ELF5: variants seen among roughly 807,000 people sequenced by gnomAD.
ELF5 encodes the protein ETS-related transcription factor Elf-5.
A neutral mutation model predicts 38.2 loss-of-function variants in ELF5; 31 were observed. The ratio of observed to expected loss-of-function variants is 0.81; its 90% CI spans 0.61 to 1.10. The LOEUF (loss-of-function observed/expected upper bound fraction) is 1.10, where lower values mean the gene tolerates loss of function less well. ELF5 is among the 50% of genes least tolerant of loss of function. The pLI, the probability that ELF5 is intolerant of heterozygous loss-of-function variation, is 0.00. For synonymous variants in ELF5, 121 were observed against 112.5 expected (o/e 1.08, Z -0.48); for missense variants, 300 against 306.6 (o/e 0.98, Z 0.16).
intron 2 of ELF5, among the ~76,000 whole-genome samples, chr11:34,498,069 G>T (rs1191219413): frequency 6.6e-6 from 1 of 152,156 alleles, no homozygotes; most frequent in Admixed American, 6.5e-5. Flanking sequence ...TTGAAACCAG[G>T]ATTCCTATAT....
intron 4 of ELF5, among the ~76,000 whole-genome samples, chr11:34,484,619 C>T (rs976872452): frequency 6.6e-6 from 1 of 152,084 alleles, no homozygotes; most frequent in Non-Finnish European, 1.5e-5. Context: ...CTGTGCCCCA[C>T]ACTGCTGCTT....
At chr11:34,512,910 G>T (rs1235198209) in intron 1 of ELF5, among the ~76,000 whole-genome samples, 9 of 152,166 alleles carry the variant, frequency 5.9e-5, no homozygotes, top group Admixed American at 5.9e-4. Flanking sequence ...TCTGGCCTCA[G>T]TTTCCTCATC....
chr11:34,503,796 G>A (rs745817971), intron 2 of ELF5, among the ~76,000 whole-genome samples: 2 of 152,146 alleles, frequency 1.3e-5, no homozygotes, highest in Non-Finnish European at 2.9e-5. Flanking sequence ...ACCAGGTACC[G>A]GACTGTGTCC....
At chr11:34,499,434 C>G (rs1330122405) in intron 2 of ELF5, among the ~76,000 whole-genome samples, 1 of 151,998 alleles carries the variant, frequency 6.6e-6, no homozygotes, top group Non-Finnish European at 1.5e-5. Context: ...GGAACAGGGT[C>G]TCACCATTTT....
intron 4 of ELF5, among the ~76,000 whole-genome samples, chr11:34,486,838 G>C (rs144063621): frequency 6.6e-6 from 1 of 152,198 alleles, no homozygotes; most frequent in Non-Finnish European, 1.5e-5. Context: ...ATTCATTTTC[G>C]TTGAAGACCC....
chr11:34,492,892 T>C (rs1850212123), intron 3 of ELF5: 1 of 160,460 alleles, frequency 6.2e-6, no homozygotes. Flanking sequence ...TCAGTTCCTT[T>C]ATCTATGTGT....
At chr11:34,490,103 G>T (rs747809202) in intron 3 of ELF5, 44 bp from the exon 4 acceptor site, 3 of 1,606,990 alleles carry the variant, frequency 1.9e-6, no homozygotes, top group Admixed American at 1.7e-5. Context: ...ATGCAATCCT[G>T]GTTTCCACTG....
chr11:34,511,005 C>T (rs1850740221), intron 1 of ELF5, among the ~76,000 whole-genome samples: 1 of 151,940 alleles, frequency 6.6e-6, no homozygotes, highest in Non-Finnish European at 1.5e-5. Flanking sequence ...TGCCTCTTGC[C>T]CCTCTCCAAA....
In ELF5 at chr11:34,505,627, A is replaced by G; in HGVS notation, c.121+2T>C. On this transcript the variant is annotated splice_donor_variant, in intron 2 of 6. Coordinates refer to ENST00000257832, the MANE Select transcript of ELF5 (RefSeq NM_001422.4). LOFTEE classifies it high-confidence loss of function. ...CAGATGGGCTCCTTCAAATGTACGCACCTGTCTGATGCTCAAAGGCAGGGT... is the reference window on the plus strand; with the variant it reads ...CAGATGGGCTCCTTCAAATGTACGCGCCTGTCTGATGCTCAAAGGCAGGGT... 4 of 1,613,688 alleles carry G rather than the reference A, an allele frequency of 2.5e-6. No homozygotes were observed. The highest frequency in any genetic ancestry group is 3.4e-6 in the Non-Finnish European group (4 of 1,179,784).
intron 4 of ELF5, among the ~76,000 whole-genome samples, chr11:34,489,590 C>T (rs952750630): frequency 6.6e-6 from 1 of 152,180 alleles, no homozygotes; most frequent in Non-Finnish European, 1.5e-5. Flanking sequence ...TAAACTCTAC[C>T]TGCTTAGTGA....
chr11:34,493,543 G>T lies in ELF5; in HGVS notation c.291C>A (p.Phe97Leu). The change falls in exon 3 of 7, where the codon TTC becomes TTA. Residue 97 changes from phenylalanine (F) to leucine (L), a missense_variant. Coordinates refer to ENST00000257832, the MANE Select transcript of ELF5 (RefSeq NM_001422.4). ...CGCCGCAGAGGCCAGCTGCCTCGAC[G>T]AACTCCTCCTGTGTCATGCTGCACA... ...LQLCSMTQEEFVEAAGLCGEY... is the reference protein window; with the variant it reads ...LQLCSMTQEELVEAAGLCGEY... 3 of 1,614,206 alleles carry T rather than the reference G, an allele frequency of 1.9e-6. No individual in the cohort carries two copies. Among genetic ancestry groups the T allele is most frequent in the Non-Finnish European group, 2.5e-6 (3 of 1,180,038 alleles).
intron 1 of ELF5, chr11:34,511,622 T>G: frequency 6.2e-7 from 1 of 1,611,936 alleles, no homozygotes. Flanking sequence ...TTCTCAGAGC[T>G]GGCTCACACA....
Position 34,493,716 on chromosome 11 carries a change from C to A in ELF5, c.122-4G>T, listed in dbSNP as rs1172658027. On this transcript the variant is annotated splice_polypyrimidine_tract_variant and splice_region_variant and intron_variant, in intron 2 of 6. Coordinates refer to ENST00000257832, the MANE Select transcript of ELF5 (RefSeq NM_001422.4). ...GATGTCCAGTATGAGTCACAGGCTG[C>A]ACCAAAGGAGAAAGAAGTGAGGGAC... 3 of 1,611,728 alleles carry A rather than the reference C, an allele frequency of 1.9e-6. No homozygotes were observed. The highest frequency in any genetic ancestry group is 2.7e-5 in the African/African-American group (2 of 74,892).
intron 3 of ELF5, chr11:34,492,432 A>T (rs141777596): frequency 6.6e-6 from 1 of 152,336 alleles, no homozygotes; most frequent in East Asian, 1.9e-4. Flanking sequence ...AGACTACTTG[A>T]TTATCTCCAG....
chr11:34,512,887 G>C (rs1850796912), intron 1 of ELF5, among the ~76,000 whole-genome samples: 1 of 152,192 alleles, frequency 6.6e-6, no homozygotes, highest in African/African-American at 2.4e-5. Flanking sequence ...GCCTCCCTAA[G>C]TCATCTAGCC....
chr11:34,504,628 C>T (rs926359089), intron 2 of ELF5, among the ~76,000 whole-genome samples: 2 of 152,230 alleles, frequency 1.3e-5, no homozygotes, highest in African/African-American at 2.4e-5. Flanking sequence ...GGGGTTAACA[C>T]TCAGTGAGGA....
At chr11:34,484,839 T>A (rs1019199515) in intron 4 of ELF5, among the ~76,000 whole-genome samples, 14 of 152,164 alleles carry the variant, frequency 9.2e-5, no homozygotes, top group African/African-American at 3.4e-4. Context: ...AAGGCTTTCT[T>A]CTGCCTCAGG....
At chr11:34,483,860 C>A (rs1856997869) in intron 4 of ELF5, among the ~76,000 whole-genome samples, 1 of 50,146 alleles carries the variant, frequency 2.0e-5, no homozygotes, top group Non-Finnish European at 4.2e-5. Flanking sequence ...ACTATACTAA[C>A]TATTCTATTA....
intron 1 of ELF5, 106 bp from the exon 2 acceptor site, chr11:34,505,859 C>G: frequency 1.5e-6 from 2 of 1,364,540 alleles, no homozygotes; most frequent in Non-Finnish European, 1.9e-6. Context: ...AAAATGATAA[C>G]AAATATGTCA....
Sources: allele counts gnomAD v4.1 joint callset (sites outside exome capture counted in the v4.1 genomes callset), GRCh38; gene constraint gnomAD v4.1.1; transcripts MANE v1.5; gene names NCBI Gene and HGNC (gene_info 2026-07-23, HGNC 2026-07-21).